NSD3: variants seen among roughly 807,000 people sequenced by gnomAD.
The protein encoded by NSD3 is nuclear receptor binding SET domain protein 3.
In NSD3, 24 loss-of-function variants were observed where a neutral mutation model predicts 160.8. That is an observed-to-expected ratio of 0.15 (90% CI 0.11 to 0.21). NSD3 has a LOEUF of 0.21. Ranked by LOEUF, NSD3 falls within the 10% of genes least tolerant of loss-of-function variation. The probability of loss-of-function intolerance (pLI) is 1.00; values close to 1 mark genes in which losing one functional copy is unlikely to be tolerated. For missense variants in NSD3, 1,157 were observed against 1,735.9 expected (o/e 0.67, Z 5.93); for synonymous variants, 520 against 600.0 (o/e 0.87, Z 1.95).
Position 38,278,368 on chromosome 8 carries a change from C to T in NSD3, c.3805G>A (p.Gly1269Ser), listed in dbSNP as rs773336629. 12 of 1,613,978 alleles carry T rather than the reference C, an allele frequency of 7.4e-6. No individual in the cohort carries two copies. The East Asian group carries it at 8.9e-5, about 12-fold the overall frequency. ...FNYNLDCLGNGRTECHCGADN... is the reference protein window; with the variant it reads ...FNYNLDCLGNSRTECHCGADN... ...GCTCCACAGTGGCACTCCGTTCTGCCGTTGCCCAGACAATCTAGGTTATAA... is the reference window on the plus strand; with the variant it reads ...GCTCCACAGTGGCACTCCGTTCTGCTGTTGCCCAGACAATCTAGGTTATAA... The change falls in exon 22 of 24, where the codon GGC (glycine) becomes AGC (serine). Residue 1269 changes from glycine (G) to serine (S), a missense_variant. Physicochemically the swap from Gly to Ser is moderately conservative, Grantham distance 56. Around this residue, in one of 10 missense-constraint regions of NSD3, gnomAD observed 222 missense variants for 409.9 expected, o/e 0.54. Coordinates refer to ENST00000317025, the MANE Select transcript of NSD3 (RefSeq NM_023034.2).
At chr8:38,379,211 G>C (rs1811479229) in intron 1 of NSD3, among the ~76,000 whole-genome samples, 1 of 151,910 alleles carries the variant, frequency 6.6e-6, no homozygotes, top group Admixed American at 6.6e-5. Context: ...ATGAATACCT[G>C]TCCAAGGAAC....
At chr8:38,278,124 G>A (rs966234365) in intron 22 of NSD3, among the ~76,000 whole-genome samples, 182 bp downstream of exon 22, 7 of 152,020 alleles carry the variant, frequency 4.6e-5, no homozygotes, top group Admixed American at 2.0e-4. Context: ...ATTTTTAGTA[G>A]AGATGGGGTT....
chr8:38,328,953 A>C (rs1809980471), intron 6 of NSD3, among the ~76,000 whole-genome samples: 3 of 152,230 alleles, frequency 2.0e-5, no homozygotes, highest in African/African-American at 7.2e-5. Context: ...TGCTGGTGGA[A>C]CCAAACAGGT....
At chr8:38,370,578 G>A (rs903291101) in intron 1 of NSD3, among the ~76,000 whole-genome samples, 1 of 152,056 alleles carries the variant, frequency 6.6e-6, no homozygotes, top group Non-Finnish European at 1.5e-5. Flanking sequence ...TGCATATAAA[G>A]TATATATCAC....
chr8:38,345,356 G>A (rs1231063609), intron 2 of NSD3, among the ~76,000 whole-genome samples: 1 of 146,276 alleles, frequency 6.8e-6, no homozygotes, highest in Non-Finnish European at 1.5e-5. Flanking sequence ...GAGAGGAAGA[G>A]GGGGAGAAGG....
intron 18 of NSD3, 49 bp downstream of exon 18, chr8:38,289,344 T>G (rs752514282): frequency 6.7e-7 from 1 of 1,502,382 alleles, no homozygotes; most frequent in Admixed American, 1.9e-5. Flanking sequence ...AAAGACTTAC[T>G]TTGTTTCTTA....
chr8:38,337,220 G>T, intron 4 of NSD3, 85 bp downstream of exon 4: 1 of 1,177,562 alleles, frequency 8.5e-7, no homozygotes, highest in Non-Finnish European at 1.1e-6. Flanking sequence ...TATATTACGT[G>T]TGTATTCTTA....
At chr8:38,278,099 C>T (rs1217915018) in intron 22 of NSD3, among the ~76,000 whole-genome samples, 2 of 152,108 alleles carry the variant, frequency 1.3e-5, no homozygotes, top group Non-Finnish European at 2.9e-5. Context: ...TCACCATGCC[C>T]AGCTAATTTT....
intron 1 of NSD3, among the ~76,000 whole-genome samples, chr8:38,349,018 C>T (rs1481999971): frequency 6.6e-6 from 1 of 152,126 alleles, no homozygotes; most frequent in South Asian, 2.1e-4. Flanking sequence ...TCATTATTCC[C>T]ACTCTTCTAT....
chr8:38,304,589 C>T lies in NSD3; in HGVS notation c.2609G>A (p.Arg870Lys). 1 of 1,609,722 alleles carries T rather than the reference C, an allele frequency of 6.2e-7. No homozygotes were observed. The highest frequency in any genetic ancestry group is 8.5e-7 in the Non-Finnish European group (1 of 1,178,624). ...VNVGFCFVCA[R>K]GLIVQDHSDP... is the part of the protein sequence containing the mutation. Reference sequence around the variant, plus strand: ...GAAGAGAAAAGTCAGACACTCACCTCTGGCACAAACGAAACAAAAGCCTAC... The same window carrying T: ...GAAGAGAAAAGTCAGACACTCACCTTTGGCACAAACGAAACAAAAGCCTAC... Residue 870 changes from arginine to lysine, a missense_variant and splice_region_variant, in exon 14 of 24, where the codon AGA becomes AAA. This residue lies in a region of NSD3 where 437 missense variants were observed against 576.6 expected (regional missense o/e 0.76). Transcript: ENST00000317025.
intron 2 of NSD3, among the ~76,000 whole-genome samples, chr8:38,346,302 A>C (rs928975636): frequency 3.4e-5 from 5 of 147,702 alleles, no homozygotes; most frequent in Non-Finnish European, 7.4e-5. Context: ...TATATAGTAT[A>C]TATAGTATAT....
rs912764243 is a variant in NSD3, at chr8:38,382,063, G to A, written c.-309C>T. On this transcript the variant is annotated 5_prime_UTR_variant, in exon 1 of 24. Coordinates refer to ENST00000317025, the MANE Select transcript of NSD3 (RefSeq NM_023034.2). The surrounding 1 kb of genome is among the most constrained non-coding windows in gnomAD (Gnocchi z 4.2). ...GAAGGCTCGGGAGGTGGGATGGGAA[G>A]GGGAGGCCGAGGGACGGGGGTCGCC... 1.0e-3 allele frequency: 158 copies of A among 153,182 alleles called. 1 individual carries two copies. Among genetic ancestry groups the A allele is most frequent in the Non-Finnish European group, 8.0e-4 (55 of 68,480 alleles). 9.5% of individuals were successfully genotyped at this position (153,182 alleles called of 1,614,324 possible).
chr8:38,372,830 A>G (rs79409135), intron 1 of NSD3, among the ~76,000 whole-genome samples: 1 of 148,388 alleles, frequency 6.7e-6, no homozygotes, highest in Non-Finnish European at 1.5e-5. Context: ...AAAAAAAAAA[A>G]CCACCAGCCG....
At position 38,348,088 on chromosome 8, in the gene NSD3, G is replaced by A. The variant is rs560508187; in HGVS notation, c.84C>T (p.Ile28=). The change falls in exon 2 of 24, where the codon ATC becomes ATT. Residue 28 remains isoleucine (I), a synonymous_variant. Coordinates refer to ENST00000317025, the MANE Select transcript of NSD3 (RefSeq NM_023034.2). ...TGTTATCAAAGGCATCCTCCTGACG[G>A]ATGTTGGCGGAGTCAATGAGTTGAG... ...QPPQLIDSAN[I]RQEDAFDNNS... is the part of the protein sequence containing the mutation. The A allele has an allele frequency of 1.9e-6, 3 of 1,614,060 alleles. No individual in the cohort carries two copies. Among genetic ancestry groups the A allele is most frequent in the South Asian group, 2.2e-5 (2 of 91,038 alleles).
intron 19 of NSD3, among the ~76,000 whole-genome samples, chr8:38,282,864 C>G (rs990627053): frequency 2.6e-5 from 4 of 152,098 alleles, no homozygotes; most frequent in Non-Finnish European, 5.9e-5. Flanking sequence ...TAGCCATTCA[C>G]CCATGGAAGA....
chr8:38,377,293 A>G (rs1305950134), intron 1 of NSD3, among the ~76,000 whole-genome samples: 1 of 151,950 alleles, frequency 6.6e-6, no homozygotes, highest in Non-Finnish European at 1.5e-5. Context: ...ACCTCAAGTG[A>G]TCCTCCTGCC....
chr8:38,372,023 C>T (rs1811254006), intron 1 of NSD3, among the ~76,000 whole-genome samples: 1 of 152,112 alleles, frequency 6.6e-6, no homozygotes, highest in Non-Finnish European at 1.5e-5. Context: ...CAAGAAGTAC[C>T]AAGGATGAAG....
In NSD3 at chr8:38,382,227, G is replaced by GGCC. The variant is rs567690624; in HGVS notation, c.-476_-474dup. 466 of 170,446 alleles carry GGCC rather than the reference G, an allele frequency of 2.7e-3. 2 individuals carry two copies. The highest frequency in any genetic ancestry group is 0.011 in the African/African-American group (444 of 41,678). 10.6% of individuals were successfully genotyped at this position (170,446 alleles called of 1,614,324 possible). ...CCCCCTCGGCCTCCGCCTCCGTGCT[G>GGCC]GCCGCCGCCGCCGCCTCTCCCGCCG... On this transcript the variant is annotated 5_prime_UTR_variant, in exon 1 of 24. Coordinates refer to ENST00000317025, the MANE Select transcript of NSD3 (RefSeq NM_023034.2). This position sits in a 1 kb window ranked among gnomAD's most constrained non-coding sequence, Gnocchi z 4.2.
intron 15 of NSD3, among the ~76,000 whole-genome samples, chr8:38,298,961 T>C (rs1056289690): frequency 3.9e-5 from 6 of 152,174 alleles, no homozygotes; most frequent in African/African-American, 1.2e-4. Flanking sequence ...TAACCAAACA[T>C]TTAAGAAGCC....
Sources: allele counts gnomAD v4.1 joint callset (sites outside exome capture counted in the v4.1 genomes callset), GRCh38; gene constraint gnomAD v4.1.1; regional missense constraint gnomAD v4.1.1; non-coding constraint Gnocchi (gnomAD v3.1); transcripts MANE v1.5; gene names NCBI Gene and HGNC (gene_info 2026-07-23, HGNC 2026-07-21).